Variants in CCNY observed in about 807,000 individuals in gnomAD.
CCNY encodes cyclin Y.
In CCNY, 19 loss-of-function variants were observed where a neutral mutation model predicts 42.8. The observed-to-expected ratio is 0.44, with a 90% CI of 0.31 to 0.65. The LOEUF is 0.65. Ranked by LOEUF, CCNY falls within the 30% of genes least tolerant of loss-of-function variation. The pLI is 0.07. For missense variants in CCNY, 370 were observed against 437.3 expected (o/e 0.85, Z 1.37); for synonymous variants, 165 against 162.7 (o/e 1.01, Z -0.11).
chr10:35,379,992 A>G (rs1479446084), intron 1 of CCNY, among the ~76,000 whole-genome samples: 1 of 152,228 alleles, frequency 6.6e-6, no homozygotes, highest in Non-Finnish European at 1.5e-5. Context: ...CAGTAAAAAA[A>G]TGTGAACTAG....
chr10:35,488,394 C>G (rs952529190), intron 2 of CCNY, among the ~76,000 whole-genome samples: 2 of 152,178 alleles, frequency 1.3e-5, no homozygotes, highest in Non-Finnish European at 2.9e-5. Context: ...CTTTCCACTG[C>G]CCTGTCGGGA....
chr10:35,298,508 T>C (rs1328319403), intron 3 of CCNY, among the ~76,000 whole-genome samples: 1 of 152,160 alleles, frequency 6.6e-6, no homozygotes, highest in African/African-American at 2.4e-5. Flanking sequence ...TGAGTATTAT[T>C]CCATTCTTTT....
At chr10:35,560,560 C>A (rs1006955003) in intron 8 of CCNY, among the ~76,000 whole-genome samples, 1 of 152,160 alleles carries the variant, frequency 6.6e-6, no homozygotes, top group Non-Finnish European at 1.5e-5. Flanking sequence ...CTTGGACTTA[C>A]AGCCACAAAC....
At chr10:35,496,178 C>T (rs1839999416) in intron 2 of CCNY, among the ~76,000 whole-genome samples, 1 of 151,888 alleles carries the variant, frequency 6.6e-6, no homozygotes, top group South Asian at 2.1e-4. Flanking sequence ...CCTGCCAGTC[C>T]TTCACATCCA....
chr10:35,513,889 AT>A (rs1434584547), intron 3 of CCNY, among the ~76,000 whole-genome samples: 2 of 152,146 alleles, frequency 1.3e-5, no homozygotes, highest in African/African-American at 4.8e-5. Flanking sequence ...TAACAAAAAT[AT>A]TTTGAGTGAC....
At chr10:35,260,182 C>T (rs1038885955) in intron 3 of CCNY, among the ~76,000 whole-genome samples, 1 of 152,178 alleles carries the variant, frequency 6.6e-6, no homozygotes, top group Non-Finnish European at 1.5e-5. Flanking sequence ...CTACCTCATC[C>T]TTCCTATCAT....
At chr10:35,267,069 T>G in intron 3 of CCNY, among the ~76,000 whole-genome samples, 1 of 133,826 alleles carries the variant, frequency 7.5e-6, no homozygotes, top group African/African-American at 2.8e-5. Context: ...TGGATAAGAG[T>G]GAGACTTCTG....
chr10:35,444,026 C>T (rs895368968), intron 1 of CCNY, among the ~76,000 whole-genome samples: 1 of 152,210 alleles, frequency 6.6e-6, no homozygotes, highest in African/African-American at 2.4e-5. Flanking sequence ...GGCAAAACTG[C>T]TAGCGAGTAG....
intron 9 of CCNY, 158 bp downstream of exon 9, chr10:35,566,343 GT>G: frequency 2.6e-6 from 2 of 779,060 alleles, no homozygotes; most frequent in Non-Finnish European, 3.9e-6. Flanking sequence ...ATTATGATTT[GT>G]TCTGCTTCTT....
At chr10:35,489,522 G>A (rs933862744) in intron 2 of CCNY, among the ~76,000 whole-genome samples, 2 of 152,000 alleles carry the variant, frequency 1.3e-5, no homozygotes, top group Non-Finnish European at 2.9e-5. Context: ...GGGTGGTCTC[G>A]ATCTTCTGAC....
intron 4 of CCNY, among the ~76,000 whole-genome samples, chr10:35,522,041 A>G (rs909086513): frequency 1.3e-5 from 2 of 152,214 alleles, no homozygotes; most frequent in African/African-American, 2.4e-5. Context: ...ACAGCCCAGT[A>G]CAATTCTCCT....
At chr10:35,504,566 A>G (rs1440974077) in intron 3 of CCNY, among the ~76,000 whole-genome samples, 1 of 152,246 alleles carries the variant, frequency 6.6e-6, no homozygotes, top group Non-Finnish European at 1.5e-5. Context: ...ATAAAGGTTA[A>G]TATTTTAATC....
intron 1 of CCNY, among the ~76,000 whole-genome samples, chr10:35,431,401 CCTCTCT>C (rs1177072692): frequency 3.3e-4 from 1 of 3,060 alleles, no homozygotes; most frequent in African/African-American, 9.7e-4. Flanking sequence ...CCCCTCCCCT[CCTCTCT>C]CTCTCTCTCT....
intron 1 of CCNY, among the ~76,000 whole-genome samples, chr10:35,475,215 C>T (rs1453770276): frequency 2.0e-5 from 3 of 152,056 alleles, no homozygotes; most frequent in African/African-American, 4.8e-5. Context: ...AAACACTCTG[C>T]AGGATATTAT....
chr10:35,251,612 G>A (rs1198199864), intron 3 of CCNY, among the ~76,000 whole-genome samples: 4 of 147,308 alleles, frequency 2.7e-5, no homozygotes, highest in Admixed American at 6.8e-5. Flanking sequence ...TTTTTGAGAC[G>A]GGATCTCGCT....
chr10:35,478,166 A>G (rs1839563991), intron 1 of CCNY, among the ~76,000 whole-genome samples: 2 of 148,558 alleles, frequency 1.3e-5, no homozygotes, highest in South Asian at 2.2e-4. Context: ...AGAACATTCC[A>G]TGCTCATGGG....
chr10:35,535,727 A>G lies in CCNY; in HGVS notation c.579+5484A>G, dbSNP rs76688754. Among the ~76,000 whole-genome samples the G allele has an allele frequency of 1.5e-3, 231 of 152,278 alleles. 6 individuals carry two copies. The East Asian group carries it at 0.039, about 26-fold the overall frequency. ...CCCTAAACAAAACAGTATAACCACA[A>G]TTTACCTAGCGTTTACATTGTATTA... On this transcript the variant is annotated intron_variant, in intron 7 of 9. Transcript: ENST00000374704.
chr10:35,432,799 C>A (rs1838441718), intron 1 of CCNY, among the ~76,000 whole-genome samples: 1 of 152,170 alleles, frequency 6.6e-6, no homozygotes, highest in South Asian at 2.1e-4. Flanking sequence ...TAGGAAAAAT[C>A]CATTATTAGA....
chr10:35,468,916 T>C (rs1839326998), intron 1 of CCNY, among the ~76,000 whole-genome samples: 2 of 152,228 alleles, frequency 1.3e-5, no homozygotes, highest in Admixed American at 6.5e-5. Flanking sequence ...GGTTCATAGA[T>C]ACTTTTTCTT....
Sources: gnomAD v4.1 joint callset for allele counts (sites outside exome capture counted in the v4.1 genomes callset) on GRCh38, gnomAD v4.1.1 for gene constraint, MANE v1.5 for transcripts, NCBI Gene and HGNC (gene_info 2026-07-23, HGNC 2026-07-21) for gene names.